Variants in ENOX1 observed in about 807,000 individuals in gnomAD.
ENOX1 encodes the protein ecto-NOX disulfide-thiol exchanger 1.
In ENOX1, 42 loss-of-function variants were observed where a neutral mutation model predicts 82.5. The ratio of observed to expected loss-of-function variants is 0.51; its 90% CI spans 0.40 to 0.66. The LOEUF is 0.66. Among genes scored for constraint, ENOX1 ranks in the 30% least tolerant of loss-of-function variants. ENOX1 has a pLI of 0.00. For missense variants in ENOX1, 608 were observed against 811.6 expected, an observed-to-expected ratio of 0.75 and a Z score of 3.05; for synonymous variants, 271 against 282.2, an observed-to-expected ratio of 0.96 and a Z score of 0.40.
intron 3 of ENOX1, among the ~76,000 whole-genome samples, chr13:43,460,793 C>CAAAAAAAAAAAAAAAAA (rs1312983530): frequency 1.9e-4 from 5 of 25,728 alleles, no homozygotes; most frequent in African/African-American, 3.8e-4. Context: ...GACTCCATCT[C>CAAAAAAAAAAAAAAAAA]AAAAAAAAAA....
rs766492634 is a variant in ENOX1, at chr13:43,443,577, T to TA, written c.-74-30590dup. ...AGGCACCATCCACTGTCCCTCTTGT[T>TA]AAGGAGTCCACAACTGTGCTGGCAG... On this transcript the variant is annotated intron_variant, in intron 3 of 16. Coordinates refer to ENST00000690772, the MANE Select transcript of ENOX1 (RefSeq NM_001347969.2). Among the ~76,000 whole-genome samples the TA allele has an allele frequency of 3.9e-5, 6 of 152,178 alleles. No individual in the cohort carries two copies. In the East Asian group the frequency reaches 9.6e-4, roughly 24 times the overall value.
chr13:43,700,028 CTT>C (rs1460287039), intron 1 of ENOX1, among the ~76,000 whole-genome samples: 1 of 152,146 alleles, frequency 6.6e-6, no homozygotes, highest in African/African-American at 2.4e-5. Flanking sequence ...CTACAAAACC[CTT>C]GATATTATTC....
intron 3 of ENOX1, among the ~76,000 whole-genome samples, chr13:43,466,416 A>G (rs2153641719): frequency 6.6e-6 from 1 of 152,312 alleles, no homozygotes; most frequent in East Asian, 1.9e-4. Flanking sequence ...ATCAGGATCA[A>G]GACAAAGATG....
intron 2 of ENOX1, 135 bp downstream of exon 2, chr13:43,667,344 C>T (rs185989190): frequency 2.0e-4 from 95 of 486,958 alleles, no homozygotes; most frequent in Non-Finnish European, 2.3e-4. Flanking sequence ...TCTTCTGCCA[C>T]AGGCCCTCTG....
At chr13:43,312,769 G>A (rs535858183) in intron 11 of ENOX1, among the ~76,000 whole-genome samples, 1 of 152,116 alleles carries the variant, frequency 6.6e-6, no homozygotes. Context: ...ATTTTTAAGG[G>A]TGGCATTTCT....
intron 2 of ENOX1, among the ~76,000 whole-genome samples, chr13:43,660,229 A>G (rs938771689): frequency 6.6e-6 from 1 of 152,184 alleles, no homozygotes; most frequent in Non-Finnish European, 1.5e-5. Flanking sequence ...TCATCCATCT[A>G]TATCCCAAAT....
intron 1 of ENOX1, among the ~76,000 whole-genome samples, chr13:43,714,441 A>G (rs1185451392): frequency 1.3e-5 from 2 of 152,198 alleles, no homozygotes; most frequent in Non-Finnish European, 2.9e-5. Flanking sequence ...CGCTTGCTGC[A>G]GAGCTGAGTT....
intron 11 of ENOX1, among the ~76,000 whole-genome samples, chr13:43,298,951 A>G (rs1423519211): frequency 1.3e-5 from 2 of 152,174 alleles, no homozygotes; most frequent in African/African-American, 4.8e-5. Context: ...CTTGCTTTCA[A>G]ATAATCAGCA....
At chr13:43,315,199 T>A (rs2047409773) in intron 11 of ENOX1, among the ~76,000 whole-genome samples, 1 of 152,220 alleles carries the variant, frequency 6.6e-6, no homozygotes. Flanking sequence ...TCTTAGTTGT[T>A]AGGTTTTCAA....
intron 1 of ENOX1, among the ~76,000 whole-genome samples, chr13:43,768,453 A>C (rs908384771): frequency 6.6e-6 from 1 of 152,104 alleles, no homozygotes; most frequent in African/African-American, 2.4e-5. Flanking sequence ...AAACACAACA[A>C]AACAAAACAA....
At chr13:43,496,331 T>C (rs1207947636) in intron 2 of ENOX1, among the ~76,000 whole-genome samples, 1 of 151,974 alleles carries the variant, frequency 6.6e-6, no homozygotes, top group Non-Finnish European at 1.5e-5. Context: ...CTGAAGAAGG[T>C]GTTAAGGTTC....
At chr13:43,374,279 T>G (rs537079323) in intron 5 of ENOX1, among the ~76,000 whole-genome samples, 12 of 151,322 alleles carry the variant, frequency 7.9e-5, no homozygotes, top group Non-Finnish European at 1.3e-4. Flanking sequence ...AGGGTCTCAT[T>G]CTGTCACCCA....
At chr13:43,266,639 G>A (rs1048664703) in intron 13 of ENOX1, among the ~76,000 whole-genome samples, 6 of 152,188 alleles carry the variant, frequency 3.9e-5, no homozygotes, top group Admixed American at 3.9e-4. Flanking sequence ...ACACAGGGGA[G>A]CATGGGCGAT....
intron 5 of ENOX1, among the ~76,000 whole-genome samples, chr13:43,363,515 C>T (rs1350270824): frequency 1.3e-5 from 2 of 152,170 alleles, no homozygotes; most frequent in African/African-American, 2.4e-5. Context: ...ATTAAAATAA[C>T]ATATTGGCCT....
intron 2 of ENOX1, among the ~76,000 whole-genome samples, chr13:43,521,644 C>T (rs553938974): frequency 6.6e-6 from 1 of 152,128 alleles, no homozygotes; most frequent in Non-Finnish European, 1.5e-5. Context: ...ATACTTTGCC[C>T]TGGAAGGTCC....
At chr13:43,221,789 C>G (rs536751037) in intron 16 of ENOX1, among the ~76,000 whole-genome samples, 2 of 152,200 alleles carry the variant, frequency 1.3e-5, no homozygotes, top group South Asian at 4.2e-4. Context: ...CCATATGTAG[C>G]CTTTGGGGAA....
intron 8 of ENOX1, among the ~76,000 whole-genome samples, chr13:43,346,298 G>T (rs1216972210): frequency 6.6e-6 from 1 of 152,114 alleles, no homozygotes; most frequent in East Asian, 1.9e-4. Context: ...CCTTCCCCAG[G>T]AAAGAAAGCA....
intron 4 of ENOX1, 128 bp from the exon 5 acceptor site, chr13:43,412,181 C>CTA (rs2054176377): frequency 9.5e-7 from 1 of 1,055,310 alleles, no homozygotes. Flanking sequence ...AAATAAAGAA[C>CTA]TATAATCTGC....
intron 2 of ENOX1, among the ~76,000 whole-genome samples, chr13:43,575,705 C>T (rs1409323954): frequency 6.6e-6 from 1 of 152,190 alleles, no homozygotes; most frequent in East Asian, 1.9e-4. Context: ...AAGAATAAGA[C>T]ATAGATTCCT....
Sources: allele counts gnomAD v4.1 joint callset (sites outside exome capture counted in the v4.1 genomes callset), GRCh38; gene constraint gnomAD v4.1.1; transcripts MANE v1.5; gene names NCBI Gene and HGNC (gene_info 2026-07-23, HGNC 2026-07-21).